The following STRADA variants were observed in gnomAD, a reference collection of about 807,000 sequenced individuals.
The protein encoded by STRADA is STE20-related kinase adapter protein alpha.
Under a neutral mutation model 55.0 loss-of-function variants are expected in STRADA, and 26 were observed. The ratio of observed to expected loss-of-function variants is 0.47; its 90% CI spans 0.35 to 0.66. STRADA has a LOEUF of 0.66. STRADA is among the 30% of genes least tolerant of loss of function. STRADA has a pLI of 0.01. For synonymous variants in STRADA, 197 were observed against 210.9 expected (o/e 0.93, Z 0.57); for missense variants, 443 against 549.7 (o/e 0.81, Z 1.94).
intron 8 of STRADA, among the ~76,000 whole-genome samples, chr17:63,708,238 C>T (rs1247863502): frequency 2.6e-5 from 4 of 151,668 alleles, no homozygotes; most frequent in South Asian, 2.1e-4. Flanking sequence ...CTCACTCTGT[C>T]GCCCAGGCTG....
chr17:63,722,812 A>C (rs191826168), intron 4 of STRADA, among the ~76,000 whole-genome samples: 19 of 152,350 alleles, frequency 1.2e-4, no homozygotes, highest in Admixed American at 6.5e-5. Flanking sequence ...CAATGAAAAA[A>C]GTAAATGTTC....
intron 1 of STRADA, among the ~76,000 whole-genome samples, chr17:63,738,684 C>G (rs2038634309): frequency 6.6e-6 from 1 of 151,930 alleles, no homozygotes; most frequent in African/African-American, 2.4e-5. Context: ...ATGGTGAAAC[C>G]CCATCTCTCC....
intron 4 of STRADA, among the ~76,000 whole-genome samples, chr17:63,721,493 T>C (rs946789595): frequency 2.1e-5 from 3 of 146,088 alleles, no homozygotes; most frequent in African/African-American, 7.6e-5. Flanking sequence ...CTGAGTAGGG[T>C]AGATCACTTG....
At chr17:63,713,795 A>C (rs1245323703) in intron 5 of STRADA, among the ~76,000 whole-genome samples, 1 of 152,138 alleles carries the variant, frequency 6.6e-6, no homozygotes, top group African/African-American at 2.4e-5. Context: ...GCCACAAAGG[A>C]AAGATGGCAA....
chr17:63,717,111 A>G (rs753534741), intron 4 of STRADA: 62 of 152,306 alleles, frequency 4.1e-4, no homozygotes, highest in Admixed American at 3.3e-3. Context: ...TGTGAATCCT[A>G]TTCTCCTCCT....
At chr17:63,739,970 G>A (rs2038769877) in intron 1 of STRADA, among the ~76,000 whole-genome samples, 1 of 147,088 alleles carries the variant, frequency 6.8e-6, no homozygotes, top group Admixed American at 6.8e-5. Flanking sequence ...CGCCAGGCAG[G>A]TACCTGTTCC....
intron 8 of STRADA, chr17:63,710,285 C>T (rs2036409160): frequency 2.9e-6 from 2 of 683,408 alleles, no homozygotes; most frequent in Non-Finnish European, 4.6e-6. Flanking sequence ...GATCCACCTG[C>T]CTTGGCCTCC....
At chr17:63,710,003 T>C (rs1332031980) in intron 8 of STRADA, among the ~76,000 whole-genome samples, 1 of 150,366 alleles carries the variant, frequency 6.7e-6, no homozygotes. Context: ...CCCAAGTCAG[T>C]GGCAAGGTCA....
chr17:63,713,778 C>T (rs1489193134), intron 5 of STRADA, among the ~76,000 whole-genome samples: 1 of 152,022 alleles, frequency 6.6e-6, no homozygotes, highest in African/African-American at 2.4e-5. Context: ...ACACCGGAAA[C>T]ATGGCAGCCA....
Position 63,707,374 on chromosome 17 carries a change from A to G in STRADA, c.626T>C (p.Val209Ala). The change falls in exon 9 of 13, where the codon GTC (valine) becomes GCC (alanine). Residue 209 changes from valine (V) to alanine (A), a missense_variant. Val to Ala is a moderately conservative substitution (Grantham distance 64). Transcript: ENST00000336174. ...SHILISVDGK[V>A]YLSGLRSNLS... ...GTTGCTGCGCAAACCAGACAGGTAG[A>G]CCTTCCCATCCACAGAGATCAGGAT... 6.2e-7 allele frequency: 1 copy of G among 1,614,040 alleles called. No homozygotes were observed. The highest frequency in any genetic ancestry group is 1.3e-5 in the African/African-American group (1 of 75,000).
rs568738966 is a variant in STRADA, at chr17:63,724,222, A to G, written c.95-896T>C. 2.1e-3 allele frequency among the ~76,000 whole-genome samples: 315 copies of G among 150,370 alleles called. 3 individuals are homozygous for G. The highest frequency in any genetic ancestry group is 5.2e-4 in the Non-Finnish European group (35 of 67,606). On this transcript the variant is annotated intron_variant, in intron 3 of 12. Transcript: ENST00000336174. ...CAGTGGTGTGATCCTGGCTCACTGC[A>G]ACCTCCGCCTCCCGGGTTCAAGCGA...
chr17:63,728,049 T>A, intron 2 of STRADA: 1 of 329,804 alleles, frequency 3.0e-6, no homozygotes, highest in Non-Finnish European at 5.5e-6. Context: ...CTTAAAAGTA[T>A]CATCGACTCA....
At position 63,703,267 on chromosome 17, in the gene STRADA, G is replaced by A. The variant is rs987833920; in HGVS notation, c.*332C>T. The A allele has an allele frequency of 1.2e-5, 3 of 240,162 alleles. No homozygotes were observed. The highest frequency in any genetic ancestry group is 2.3e-5 in the African/African-American group (1 of 44,094). 14.9% of individuals were successfully genotyped at this position (240,162 alleles called of 1,614,324 possible). ...AGAGGTGGCGGTCCTCGGGTTTAAGGAGCCAAACCCTGGGCTTGGAATTCA... is the reference window on the plus strand; with the variant it reads ...AGAGGTGGCGGTCCTCGGGTTTAAGAAGCCAAACCCTGGGCTTGGAATTCA... On this transcript the variant is annotated 3_prime_UTR_variant, in exon 13 of 13. Transcript: ENST00000336174.
chr17:63,740,145 TATACACACACAC>T (rs1230269092), intron 1 of STRADA, among the ~76,000 whole-genome samples: 6 of 42,894 alleles, frequency 1.4e-4, no homozygotes, highest in South Asian at 2.4e-3. Flanking sequence ...CATATATATA[TATACACACACAC>T]ACACACACAC....
In STRADA at chr17:63,703,583, C is replaced by T; in HGVS notation, c.*16G>A. 6.2e-7 allele frequency: 1 copy of T among 1,609,852 alleles called. No homozygotes were observed. On this transcript the variant is annotated 3_prime_UTR_variant, in exon 13 of 13. Transcript: ENST00000336174. Reference sequence around the variant, plus strand: ...TCTGCATCCCTGGCTGGAGAATGCGCACAGTTTGCAGAGGCTCAGAACTCC... The same window carrying T: ...TCTGCATCCCTGGCTGGAGAATGCGTACAGTTTGCAGAGGCTCAGAACTCC...
chr17:63,711,163 A>T (rs1249934485), intron 6 of STRADA, among the ~76,000 whole-genome samples: 3 of 152,230 alleles, frequency 2.0e-5, no homozygotes, highest in African/African-American at 7.2e-5. Flanking sequence ...GGGCCAACGT[A>T]TAGAATTCCT....
At chr17:63,705,866 C>T (rs1345597758) in intron 10 of STRADA, 1 of 152,384 alleles carries the variant, frequency 6.6e-6, no homozygotes, top group Non-Finnish European at 1.5e-5. Context: ...CAACTCAAGG[C>T]TGCCTCCTCC....
rs560856919 is a variant in STRADA at position 63,707,792 on chromosome 17, G to A, written c.582-374C>T. Among the ~76,000 whole-genome samples the A allele has an allele frequency of 5.3e-5, 8 of 150,852 alleles. No homozygotes were observed. In the South Asian group the frequency reaches 1.0e-3, roughly 20 times the overall value. ...GTCGCACAGACTGGAGTGTAGTGGC[G>A]CCATCTCGGCTCACTGCAAGCTCCG... On this transcript the variant is annotated intron_variant, in intron 8 of 12. Coordinates refer to ENST00000336174, the MANE Select transcript of STRADA (RefSeq NM_001003787.4).
At chr17:63,713,642 CTACTGT>C in intron 5 of STRADA, 115 bp from the exon 6 acceptor site, 1 of 1,331,962 alleles carries the variant, frequency 7.5e-7, no homozygotes, top group Non-Finnish European at 1.0e-6. Flanking sequence ...AAATTTTTCA[CTACTGT>C]TACTTTTTTT....
Sources: gnomAD v4.1 joint callset for allele counts (sites outside exome capture counted in the v4.1 genomes callset) on GRCh38, gnomAD v4.1.1 for gene constraint, MANE v1.5 for transcripts, NCBI Gene and HGNC (gene_info 2026-07-23, HGNC 2026-07-21) for gene names.